DMD: variants seen among roughly 807,000 people sequenced by gnomAD.
DMD encodes the protein mutant dystrophin.
Under a neutral mutation model 330.1 loss-of-function variants are expected in DMD, and 63 were observed. The observed-to-expected ratio is 0.19, with a 90% confidence interval of 0.16 to 0.24. DMD has a LOEUF of 0.24. Among genes scored for constraint, DMD ranks in the 10% least tolerant of loss-of-function variants. The pLI is 1.00. For missense variants in DMD, 3,344 were observed against 2,684.1 expected (o/e 1.25, Z -5.43); for synonymous variants, 1,223 against 959.8 (o/e 1.27, Z -5.07).
intron 7 of DMD, among the ~76,000 whole-genome samples, chrX:32,735,218 G>A (rs1157001662): frequency 9.2e-6 from 1 of 108,708 alleles, no homozygotes; most frequent in Non-Finnish European, 1.9e-5. Flanking sequence ...GGGATGTGAA[G>A]GACCTCTTCG....
intron 67 of DMD, among the ~76,000 whole-genome samples, chrX:31,200,091 C>T (rs1317642): frequency 0.15 from 16,442 of 111,575 alleles, 955 homozygotes; most frequent in Middle Eastern, 0.22. Flanking sequence ...ATTGCTAAAA[C>T]GCTGAGAGGC....
intron 1 of DMD, among the ~76,000 whole-genome samples, chrX:33,040,118 T>A (rs945743394): frequency 1.8e-5 from 2 of 110,271 alleles, no homozygotes; most frequent in Non-Finnish European, 3.8e-5. Context: ...ACCGAAGGAG[T>A]CTGCACTCAT....
At chrX:32,216,161 A>T (rs2097111641) in intron 44 of DMD, among the ~76,000 whole-genome samples, 1 of 112,133 alleles carries the variant, frequency 8.9e-6, no homozygotes, top group Non-Finnish European at 1.9e-5. Flanking sequence ...GACTATTGCA[A>T]CATGAACAAT....
intron 63 of DMD, among the ~76,000 whole-genome samples, chrX:31,232,205 G>A (rs768518998): frequency 2.7e-5 from 3 of 109,581 alleles, no homozygotes; most frequent in Non-Finnish European, 5.7e-5. Context: ...GCACAGATAA[G>A]GCCTGACAGG....
At chrX:32,218,660 C>G (rs1188281336) in intron 43 of DMD, among the ~76,000 whole-genome samples, 1 of 112,057 alleles carries the variant, frequency 8.9e-6, no homozygotes, top group Non-Finnish European at 1.9e-5. Flanking sequence ...GCACCGGGCT[C>G]TGTGCTTTTA....
intron 25 of DMD, among the ~76,000 whole-genome samples, chrX:32,456,327 ATG>A (rs1473762798): frequency 2.7e-5 from 3 of 111,192 alleles, no homozygotes; most frequent in Non-Finnish European, 5.7e-5. Context: ...CTAGAACAAT[ATG>A]TCTTGCAATT....
intron 52 of DMD, among the ~76,000 whole-genome samples, chrX:31,707,578 G>A (rs2084294482): frequency 9.0e-6 from 1 of 110,825 alleles, no homozygotes; most frequent in South Asian, 3.9e-4. Context: ...ATACTCCCAC[G>A]TGACAAATCT....
intron 44 of DMD, among the ~76,000 whole-genome samples, chrX:31,984,198 C>A (rs949553789): frequency 4.8e-4 from 54 of 111,887 alleles, no homozygotes; most frequent in African/African-American, 1.7e-3. Context: ...ATGCTGTTAT[C>A]TTCAGTTAAA....
intron 41 of DMD, among the ~76,000 whole-genome samples, chrX:32,336,019 GTA>G (rs1250424838): frequency 8.2e-5 from 8 of 97,638 alleles, no homozygotes; most frequent in Non-Finnish European, 1.3e-4. Flanking sequence ...TATATAACGT[GTA>G]TATATAACGT....
rs749424238 is a variant in DMD, at chrX:32,265,944, A to C, written c.6290+21585T>G. ...ACTTGGACTCCTGGGTTAATGCTAG[A>C]GTGAGTTAAGACTTTGAGTGACTGT... On this transcript the variant is annotated intron_variant, in intron 43 of 78. Coordinates refer to ENST00000357033, the MANE Select transcript of DMD (RefSeq NM_004006.3). 2.7e-5 allele frequency among the ~76,000 whole-genome samples: 3 copies of C among 111,652 alleles called. No homozygotes were observed. The South Asian group carries it at 1.1e-3, about 42-fold the overall frequency.
chrX:33,296,473 AAG>A, intron 1 of DMD, among the ~76,000 whole-genome samples: 1 of 111,110 alleles, frequency 9.0e-6, no homozygotes, highest in Middle Eastern at 4.6e-3. Context: ...AGAAAAAAAT[AAG>A]AGGTTTTTCA....
intron 7 of DMD, among the ~76,000 whole-genome samples, chrX:32,710,868 T>A (rs2065126439): frequency 9.0e-6 from 1 of 110,925 alleles, no homozygotes; most frequent in Admixed American, 9.6e-5. Flanking sequence ...TTCTACCAAA[T>A]AATGATAATT....
intron 62 of DMD, among the ~76,000 whole-genome samples, chrX:31,323,278 G>T (rs1266557166): frequency 8.9e-6 from 1 of 111,815 alleles, no homozygotes; most frequent in South Asian, 3.7e-4. Flanking sequence ...AAAAGAAATT[G>T]TTCTCGCAAA....
At chrX:33,129,325 C>CGTTTTTTTTTTT (rs2095483772) in intron 1 of DMD, among the ~76,000 whole-genome samples, 1 of 30,715 alleles carries the variant, frequency 3.3e-5, no homozygotes, top group Non-Finnish European at 5.2e-5. Context: ...TTAAGGTTTG[C>CGTTTTTTTTTTT]TTTTTTTTTT....
chrX:31,459,082 C>T (rs1364575507), intron 59 of DMD, among the ~76,000 whole-genome samples: 1 of 110,923 alleles, frequency 9.0e-6, no homozygotes, highest in Non-Finnish European at 1.9e-5. Flanking sequence ...AACAATGGAC[C>T]ATTCTCTCCC....
chrX:32,517,213 T>A (rs1312204067), intron 18 of DMD: 3 of 112,025 alleles, frequency 2.7e-5, no homozygotes, highest in African/African-American at 9.7e-5. Flanking sequence ...AAATTACTTT[T>A]CATTCATAAT....
At chrX:32,763,680 C>T (rs1287886164) in intron 7 of DMD, among the ~76,000 whole-genome samples, 3 of 111,818 alleles carry the variant, frequency 2.7e-5, no homozygotes, top group Non-Finnish European at 5.7e-5. Flanking sequence ...ACCTTATTGT[C>T]CAATCTATAT....
chrX:31,383,246 C>A (rs764690315), intron 60 of DMD, among the ~76,000 whole-genome samples: 3 of 111,494 alleles, frequency 2.7e-5, no homozygotes, highest in South Asian at 7.5e-4. Context: ...TCTTATAGAA[C>A]GGCCCTACCC....
At chrX:31,647,001 G>A (rs1271045739) in intron 54 of DMD, among the ~76,000 whole-genome samples, 1 of 111,818 alleles carries the variant, frequency 8.9e-6, no homozygotes, top group Non-Finnish European at 1.9e-5. Flanking sequence ...TTTGTTTCAT[G>A]TTTCTTTTGA....
Sources: allele counts gnomAD v4.1 joint callset (sites outside exome capture counted in the v4.1 genomes callset), GRCh38; gene constraint gnomAD v4.1.1; transcripts MANE v1.5; gene names NCBI Gene and HGNC (gene_info 2026-07-23, HGNC 2026-07-21).